Variants in MPG observed in about 807,000 individuals in gnomAD.
MPG encodes DNA-3-methyladenine glycosylase.
A neutral mutation model predicts 31.7 loss-of-function variants in MPG; 33 were observed. The ratio of observed to expected loss-of-function variants is 1.04; its 90% confidence interval spans 0.79 to 1.39. MPG has a LOEUF of 1.39. MPG is among the 40% of genes most tolerant of loss of function. MPG has a pLI of 0.00. For synonymous variants in MPG, 202 were observed against 169.2 expected, an observed-to-expected ratio of 1.19 and a Z score of -1.51; for missense variants, 455 against 415.5, an observed-to-expected ratio of 1.10 and a Z score of -0.83.
At chr16:80,576 G>T (rs375077744) in intron 2 of MPG, among the ~76,000 whole-genome samples, 11 of 152,208 alleles carry the variant, frequency 7.2e-5, no homozygotes, top group Admixed American at 1.3e-4. Context: ...TTTGGGAGGC[G>T]GAGGTGGGTG....
intron 1 of MPG, chr16:79,089 G>C (rs1898167770): frequency 2.1e-6 from 3 of 1,444,322 alleles, no homozygotes; most frequent in Non-Finnish European, 2.7e-6. Context: ...GTGGGAATCG[G>C]AGGGCACCAG....
intron 1 of MPG, 39 bp downstream of exon 1, chr16:78,372 C>T (rs1449975489): frequency 2.5e-6 from 3 of 1,199,554 alleles, no homozygotes; most frequent in East Asian, 7.1e-5. Context: ...AACAGACGCG[C>T]CCACCCCCAG....
intron 1 of MPG, 178 bp from the exon 2 acceptor site, chr16:79,247 G>A: frequency 1.3e-6 from 2 of 1,552,818 alleles, no homozygotes; most frequent in South Asian, 1.2e-5. Flanking sequence ...CATTTCCTGA[G>A]GCCTCGAGTG....
At chr16:77,542 G>A (rs1023997738), upstream of MPG, among the ~76,000 whole-genome samples, 1 of 152,214 alleles carries the variant, frequency 6.6e-6, no homozygotes, top group Admixed American at 6.5e-5. Context: ...TCTAGAGGAG[G>A]CTGCCTGCGC....
intron 2 of MPG, among the ~76,000 whole-genome samples, chr16:82,133 G>A (rs374085017): frequency 2.5e-4 from 16 of 63,104 alleles, no homozygotes; most frequent in South Asian, 1.5e-3. Flanking sequence ...CCTCCTGAAT[G>A]CTCCCCACGC....
chr16:77,863 G>C (rs3176369), upstream of MPG, among the ~76,000 whole-genome samples: 17 of 151,690 alleles, frequency 1.1e-4, no homozygotes, highest in Non-Finnish European at 2.5e-4. Context: ...CTCCGCCCGG[G>C]CCCCTCGAGG....
intron 3 of MPG, chr16:84,169 C>T (rs1169053177): frequency 1.3e-5 from 2 of 152,176 alleles, no homozygotes; most frequent in Non-Finnish European, 2.9e-5. Context: ...TGTAGAGGGT[C>T]CTGCTCCTCC....
chr16:79,505 ACCTGCAGAG>A lies in MPG; in HGVS notation c.107_115del (p.Pro36_Glu38del). 6.2e-7 allele frequency: 1 copy of A among 1,612,548 alleles called. No homozygotes were observed. The highest frequency in any genetic ancestry group is 8.5e-7 in the Non-Finnish European group (1 of 1,179,750). On this transcript the variant is annotated inframe_deletion, in exon 2 of 4. Transcript: ENST00000356432. ...ACAGCTCGTCCGACGCAGCCCAGGC[ACCTGCAGAG>A]CAGCCACACAGCTCGTCCGATGCAG...
upstream of MPG, chr16:78,221 C>G: frequency 8.1e-7 from 1 of 1,237,508 alleles, no homozygotes; most frequent in Non-Finnish European, 1.0e-6. Context: ...CGCCGCTCCG[C>G]CCCGGTCCTA....
intron 3 of MPG, among the ~76,000 whole-genome samples, chr16:84,058 G>A (rs1254755039): frequency 6.6e-6 from 1 of 152,164 alleles, no homozygotes; most frequent in Non-Finnish European, 1.5e-5. Context: ...CCAGGGCACG[G>A]GGCTGTGGTG....
upstream of MPG, chr16:77,030 C>G (rs1326503586): frequency 1.3e-5 from 2 of 152,262 alleles, no homozygotes; most frequent in African/African-American, 2.4e-5. Flanking sequence ...TCACACTCAT[C>G]TGAGGGCTCC....
At chr16:81,839 C>G (rs1898248861) in intron 2 of MPG, among the ~76,000 whole-genome samples, 1 of 101,950 alleles carries the variant, frequency 9.8e-6, no homozygotes, top group African/African-American at 4.1e-5. Context: ...CCGGGAAGGC[C>G]TCCTGAATGC....
chr16:77,802 C>A (rs1898127845), upstream of MPG, among the ~76,000 whole-genome samples: 1 of 152,126 alleles, frequency 6.6e-6, no homozygotes, highest in East Asian at 1.9e-4. Flanking sequence ...TCCGCTGGCA[C>A]CCCACCGGAA....
rs1239557443 is a variant in MPG, at chr16:79,481, C to G, written c.81C>G (p.His27Gln). The part of the protein sequence containing the change: ...KQRPARAGQP[H>Q]SSSDAAQAPA... ...GACCAGCTAGAGCAGGGCAGCCACACAGCTCGTCCGACGCAGCCCAGGCAC... is the reference window on the plus strand; with the variant it reads ...GACCAGCTAGAGCAGGGCAGCCACAGAGCTCGTCCGACGCAGCCCAGGCAC... Residue 27 changes from histidine (H) to glutamine (Q), a missense_variant, in exon 2 of 4, where the codon CAC becomes CAG. His to Gln is a conservative substitution (Grantham distance 24, BLOSUM62 0). Coordinates refer to ENST00000356432, the MANE Select transcript of MPG (RefSeq NM_001015052.3). 1 of 1,612,828 alleles carries G rather than the reference C, an allele frequency of 6.2e-7. No homozygotes were observed. Among genetic ancestry groups the G allele is most frequent in the South Asian group, 1.1e-5 (1 of 91,076 alleles).
intron 3 of MPG, among the ~76,000 whole-genome samples, chr16:85,072 C>A (rs1272623733): frequency 1.3e-5 from 2 of 152,226 alleles, no homozygotes; most frequent in African/African-American, 4.8e-5. Flanking sequence ...CAGCATTTGT[C>A]ATGTGTTTTT....
At chr16:83,950 G>A (rs181077244) in intron 3 of MPG, among the ~76,000 whole-genome samples, 6 of 152,128 alleles carry the variant, frequency 3.9e-5, no homozygotes, top group South Asian at 2.1e-4. Flanking sequence ...TAGGGTCGGC[G>A]GAGGAGTCGG....
In MPG at chr16:83,201, C is replaced by G. The variant is rs373447615; in HGVS notation, c.450C>G (p.Thr150=). The G allele has an allele frequency of 1.0e-4, 166 of 1,613,112 alleles. No individual in the cohort carries two copies. The highest frequency in any genetic ancestry group is 1.3e-4 in the Admixed American group (8 of 59,986). Residue 150 remains threonine (T), a synonymous_variant, in exon 3 of 4, where the codon ACC becomes ACG. Coordinates refer to ENST00000356432, the MANE Select transcript of MPG (RefSeq NM_001015052.3). ...GAGGCATGTTCATGAAGCCGGGGAC[C>G]CTGTACGTGTACATCATTTACGGCA... ...RNRGMFMKPG[T]LYVYIIYGMY...
intron 2 of MPG, 174 bp downstream of exon 2, chr16:79,874 C>A: frequency 2.7e-6 from 2 of 737,148 alleles, no homozygotes; most frequent in South Asian, 1.9e-5. Context: ...TGCCTGAGGT[C>A]ATCTGGGAAG....
In MPG at chr16:83,100, G is replaced by A. The variant is rs146178270; in HGVS notation, c.349G>A (p.Val117Met). Residue 117 changes from valine (V) to methionine (M), a missense_variant, in exon 3 of 4, where the codon GTG (valine) becomes ATG (methionine). Transcript: ENST00000356432. ...TGGCACAGAACTCCGAGGCCGCATC[G>A]TGGAGACCGAGGCATACCTGGGGCC... The part of the protein sequence containing the change: ...PNGTELRGRI[V>M]ETEAYLGPED... 126 of 1,612,394 alleles carry A rather than the reference G, an allele frequency of 7.8e-5. No individual in the cohort carries two copies. The Middle Eastern group carries it at 9.9e-4, about 13-fold the overall frequency.
Sources: gnomAD v4.1 joint callset for allele counts (sites outside exome capture counted in the v4.1 genomes callset) on GRCh38, gnomAD v4.1.1 for gene constraint, MANE v1.5 for transcripts, NCBI Gene and HGNC (gene_info 2026-07-23, HGNC 2026-07-21) for gene names.